Variants in SMARCA2 observed in about 807,000 individuals in gnomAD.
The protein encoded by SMARCA2 is SWI/SNF-related matrix-associated actin-dependent regulator of chromatin subfamily A member 2.
A neutral mutation model predicts 199.8 loss-of-function variants in SMARCA2; 61 were observed. The ratio of observed to expected loss-of-function variants is 0.31; its 90% CI spans 0.25 to 0.38. The LOEUF is 0.38. SMARCA2 is among the 10% of genes least tolerant of loss of function. SMARCA2 has a pLI of 1.00. For synonymous variants in SMARCA2, 935 were observed against 732.0 expected, an observed-to-expected ratio of 1.28 and a Z score of -4.48; for missense variants, 1,344 against 2,012.2, an observed-to-expected ratio of 0.67 and a Z score of 6.35.
chr9:2,025,231 T>C (rs1015370920), intron 1 of SMARCA2, among the ~76,000 whole-genome samples: 1 of 152,080 alleles, frequency 6.6e-6, no homozygotes, highest in African/African-American at 2.4e-5. Flanking sequence ...CAGAGTATAC[T>C]GCTGAGAAAT....
chr9:2,023,919 C>A (rs1034645600), intron 1 of SMARCA2, among the ~76,000 whole-genome samples: 20 of 152,156 alleles, frequency 1.3e-4, no homozygotes, highest in African/African-American at 4.1e-4. Context: ...ATCTCCTGAA[C>A]CTTGCAGTTC....
chr9:2,096,947 G>A (rs1393551122), intron 20 of SMARCA2, among the ~76,000 whole-genome samples, 183 bp downstream of exon 20: 2 of 152,188 alleles, frequency 1.3e-5, no homozygotes, highest in Non-Finnish European at 2.9e-5. Flanking sequence ...ATTGGGGCAG[G>A]AAGAAAGAAG....
At position 2,081,931 on chromosome 9, in the gene SMARCA2, C is replaced by G. The variant is rs750906629; in HGVS notation, c.2284C>G (p.Leu762Val). ...TGGAAAGACCATACAGACCATTGCA[C>G]TCATCACTTATCTGATGGAGCACAA... is the stretch of plus-strand genomic sequence containing the variant. ...GLGKTIQTIA[L>V]ITYLMEHKRL... Residue 762 changes from leucine to valine, a missense_variant, in exon 15 of 34, where the codon CTC (leucine) becomes GTC (valine). Around this residue, in one of 18 missense-constraint regions of SMARCA2, gnomAD observed 50 missense variants for 81.6 expected, o/e 0.61. Coordinates refer to ENST00000349721, the MANE Select transcript of SMARCA2 (RefSeq NM_003070.5). The G allele has an allele frequency of 1.2e-6, 2 of 1,613,774 alleles. No homozygotes were observed. Among genetic ancestry groups the G allele is most frequent in the South Asian group, 2.2e-5 (2 of 91,068 alleles).
intron 27 of SMARCA2, chr9:2,160,595 T>A: frequency 1.4e-6 from 1 of 702,472 alleles, no homozygotes. Flanking sequence ...ATATTAGCCA[T>A]GTTTGGTGCT....
chr9:2,100,131 G>A (rs901766712), intron 21 of SMARCA2, among the ~76,000 whole-genome samples: 3 of 152,060 alleles, frequency 2.0e-5, no homozygotes, highest in Admixed American at 6.5e-5. Flanking sequence ...GGAGACAGCC[G>A]GTGGCTGATG....
chr9:2,086,722 A>G lies in SMARCA2; in HGVS notation c.2527-107A>G, dbSNP rs1821817732. On this transcript the variant is annotated intron_variant, in intron 17 of 33. Coordinates refer to ENST00000349721, the MANE Select transcript of SMARCA2 (RefSeq NM_003070.5). The surrounding 1 kb of genome is among the most constrained non-coding windows in gnomAD (Gnocchi z 4.3). ...GTCTCAAAGGTAATCACAGCATATC[A>G]TATACCAAGGATGGGTTCTTTGGTT... 39 of 1,223,302 alleles carry G rather than the reference A, an allele frequency of 3.2e-5. 2 individuals carry two copies. In the South Asian group the frequency reaches 4.7e-4, roughly 15 times the overall value. The allele number at this position is 1,223,302 out of a possible 1,614,324, so 75.8% of individuals were successfully genotyped here. A position where few individuals can be genotyped will look rare whatever the true frequency, so the allele number is the denominator to read the frequency against.
rs780588637 is a variant in SMARCA2 at position 2,043,314 on chromosome 9, A to G, written c.790+3414A>G. On this transcript the variant is annotated intron_variant, in intron 4 of 33. Coordinates refer to ENST00000349721, the MANE Select transcript of SMARCA2 (RefSeq NM_003070.5). ...AAAGAATTATGATTGGAGTCGAGGCATTGCCCATGGAACACATAACTCTGC... is the reference window on the plus strand; with the variant it reads ...AAAGAATTATGATTGGAGTCGAGGCGTTGCCCATGGAACACATAACTCTGC... 10 of 152,180 alleles carry G rather than the reference A, an allele frequency of 6.6e-5. No individual in the cohort carries two copies. In the South Asian group the frequency reaches 1.0e-3, roughly 16 times the overall value. The allele number at this position is 152,180 out of a possible 1,614,324, so 9.4% of individuals were successfully genotyped here. A position where few individuals can be genotyped will look rare whatever the true frequency, so the allele number is the denominator to read the frequency against.
At chr9:2,083,231 G>A in intron 15 of SMARCA2, 116 bp from the exon 16 acceptor site, 1 of 593,034 alleles carries the variant, frequency 1.7e-6, no homozygotes, top group Non-Finnish European at 2.9e-6. Flanking sequence ...GTTGAGATAT[G>A]TTATATTCTG....
intron 21 of SMARCA2, among the ~76,000 whole-genome samples, chr9:2,100,020 A>G (rs548749716): frequency 1.7e-4 from 26 of 152,294 alleles, no homozygotes; most frequent in Admixed American, 1.4e-3. Flanking sequence ...CCTACCGTAG[A>G]TCATGAGCAT....
chr9:2,185,685 G>A (rs1333173509), intron 31 of SMARCA2, among the ~76,000 whole-genome samples: 1 of 152,190 alleles, frequency 6.6e-6, no homozygotes, highest in Non-Finnish European at 1.5e-5. Context: ...GGCTGCTACT[G>A]ATAAACTCAG....
intron 24 of SMARCA2, among the ~76,000 whole-genome samples, chr9:2,114,544 A>C (rs965573827): frequency 2.0e-5 from 3 of 152,222 alleles, no homozygotes; most frequent in Non-Finnish European, 2.9e-5. Context: ...CTAAAAATCT[A>C]TACAGTCTAA....
At chr9:2,163,992 C>G (rs548729832) in intron 28 of SMARCA2, among the ~76,000 whole-genome samples, 2 of 152,008 alleles carry the variant, frequency 1.3e-5, no homozygotes, top group South Asian at 4.1e-4. Context: ...ACCAGAAACT[C>G]TGGCAGCACT....
Position 2,181,370 on chromosome 9 carries a change from T to C in SMARCA2, c.4254-201T>C, listed in dbSNP as rs374311116. ...TGTGTGACAGAAGTGGGGACCAAAT[T>C]GTATTTTACTGTGATCTTAAAATTA... On this transcript the variant is annotated intron_variant, in intron 29 of 33. Transcript: ENST00000349721. The C allele has an allele frequency of 2.1e-4, 94 of 456,048 alleles. 2 individuals are homozygous for C. The South Asian group carries it at 2.3e-3, about 11-fold the overall frequency. The allele number at this position is 456,048 out of a possible 1,614,324, so 28.3% of individuals were successfully genotyped here.
At chr9:2,083,695 C>G (rs1821667665) in intron 16 of SMARCA2, among the ~76,000 whole-genome samples, 1 of 152,238 alleles carries the variant, frequency 6.6e-6, no homozygotes. Flanking sequence ...GTGCTGCTGA[C>G]TGGCTCGCTG....
chr9:2,027,567 G>T (rs1238656405), intron 1 of SMARCA2, among the ~76,000 whole-genome samples: 2 of 152,174 alleles, frequency 1.3e-5, no homozygotes, highest in Non-Finnish European at 2.9e-5. Context: ...GCTGGTTGAG[G>T]TGCTGGGAAC....
rs754726973 is a variant in SMARCA2, at chr9:2,148,858, T to C, written c.3982-12828T>C. Among the ~76,000 whole-genome samples the C allele has an allele frequency of 1.5e-4, 22 of 151,392 alleles. 1 individual carries two copies. The highest frequency in any genetic ancestry group is 2.7e-4 in the Non-Finnish European group (18 of 67,678). ...CCCATTAGAGCACTTTGTGTTTGTC[T>C]CTCCTGCGCAAATCCTTGACTGTGC... is the stretch of plus-strand genomic sequence containing the variant. On this transcript the variant is annotated intron_variant, in intron 27 of 33. Transcript: ENST00000349721.
intron 1 of SMARCA2, among the ~76,000 whole-genome samples, chr9:2,019,338 T>A (rs1818503844): frequency 6.6e-6 from 1 of 152,174 alleles, no homozygotes; most frequent in Non-Finnish European, 1.5e-5. Context: ...GCATCAGGAC[T>A]AGGTGCACTG....
Position 2,073,569 on chromosome 9 carries a change from T to C in SMARCA2, c.1881T>C (p.Tyr627=), listed in dbSNP as rs771077074. 3.1e-6 allele frequency: 5 copies of C among 1,611,614 alleles called. No individual in the cohort carries two copies. The African/African-American group carries it at 4.0e-5, about 13-fold the overall frequency. ...CTTCCTCACTCTTTTTCCTTAGTTA[T>C]GAAGTTGCCCCTAGATCTGACAGTG... is the stretch of plus-strand genomic sequence containing the variant. ...LDAWLEMNPG[Y]EVAPRSDSEE... is the part of the protein sequence containing the mutation. Residue 627 remains tyrosine, a synonymous_variant, in exon 12 of 34, where the codon TAT becomes TAC. Coordinates refer to ENST00000349721, the MANE Select transcript of SMARCA2 (RefSeq NM_003070.5).
chr9:2,192,511 A>G lies in SMARCA2; in HGVS notation c.4738-193A>G, dbSNP rs945969704. The G allele has an allele frequency of 1.6e-5, 10 of 619,674 alleles. No homozygotes were observed. In the African/African-American group the frequency reaches 1.9e-4, roughly 12 times the overall value. 38.4% of individuals were successfully genotyped at this position (619,674 alleles called of 1,614,324 possible). A position where few individuals can be genotyped will look rare whatever the true frequency, so the allele number is the denominator to read the frequency against. ...GGTGGGCTTTGCTTTGGGGTTTTTC[A>G]GTAAGAAAAACTTCTCAGCTTAGAG... On this transcript the variant is annotated intron_variant, in intron 33 of 33. Coordinates refer to ENST00000349721, the MANE Select transcript of SMARCA2 (RefSeq NM_003070.5).
Sources: gnomAD v4.1 joint callset for allele counts (sites outside exome capture counted in the v4.1 genomes callset) on GRCh38, gnomAD v4.1.1 for gene constraint, gnomAD v4.1.1 regional missense constraint, Gnocchi (gnomAD v3.1) non-coding constraint, MANE v1.5 for transcripts, NCBI Gene and HGNC (gene_info 2026-07-23, HGNC 2026-07-21) for gene names.